ARHGEF10L: variants seen among roughly 807,000 people sequenced by gnomAD.
ARHGEF10L encodes rho guanine nucleotide exchange factor 10-like protein.
A neutral mutation model predicts 141.2 loss-of-function variants in ARHGEF10L; 69 were observed. The observed-to-expected ratio is 0.49, with a 90% CI of 0.40 to 0.60. The LOEUF (loss-of-function observed/expected upper bound fraction) is 0.60, where lower values mean the gene tolerates loss of function less well. Ranked by LOEUF, ARHGEF10L falls within the 20% of genes least tolerant of loss-of-function variation. The pLI, the probability that ARHGEF10L is intolerant of heterozygous loss-of-function variation, is 0.00. For synonymous variants in ARHGEF10L, 711 were observed against 718.5 expected (o/e 0.99, Z 0.17); for missense variants, 1,482 against 1,734.3 (o/e 0.85, Z 2.58).
At position 17,626,040 on chromosome 1, in the gene ARHGEF10L, C is replaced by T. The variant is rs750655895; in HGVS notation, c.1402C>T (p.Leu468=). 6.2e-7 allele frequency: 1 copy of T among 1,613,906 alleles called. No individual in the cohort carries two copies. The highest frequency in any genetic ancestry group is 8.5e-7 in the Non-Finnish European group (1 of 1,179,826). Reference sequence around the variant, plus strand: ...CCAGAGGTTCCCACAGTTCATACTCCTGCTTCAGGTACTGCTCAGGATTCC... The same window carrying T: ...CCAGAGGTTCCCACAGTTCATACTCTTGCTTCAGGTACTGCTCAGGATTCC... ...PIQRFPQFIL[L]LQDMLKNTPR... The change falls in exon 14 of 29, where the codon CTG becomes TTG. Residue 468 remains leucine (L), a synonymous_variant. Coordinates refer to ENST00000361221, the MANE Select transcript of ARHGEF10L (RefSeq NM_018125.4).
intron 1 of ARHGEF10L, among the ~76,000 whole-genome samples, chr1:17,572,545 G>T (rs532355542): frequency 6.6e-6 from 1 of 152,288 alleles, no homozygotes; most frequent in East Asian, 1.9e-4. Context: ...AGTCTAAGAA[G>T]CCTAAGCCAG....
Position 17,613,095 on chromosome 1 carries a change from C to A in ARHGEF10L, c.647C>A (p.Ala216Asp). 1 of 1,614,052 alleles carries A rather than the reference C, an allele frequency of 6.2e-7. No individual in the cohort carries two copies. The highest frequency in any genetic ancestry group is 2.2e-5 in the East Asian group (1 of 44,878). The change falls in exon 8 of 29, where the codon GCC (alanine) becomes GAC (aspartate). Residue 216 changes from alanine (A) to aspartate (D), a missense_variant. Coordinates refer to ENST00000361221, the MANE Select transcript of ARHGEF10L (RefSeq NM_018125.4). ...CTGACTAGGCTAAAGGAGAGATACG[C>A]CAGGACTAAGAGAGACATCTTGGCT... Reference protein sequence around the residue: ...PDLTRLKERYARTKRDILALR... With the variant: ...PDLTRLKERYDRTKRDILALR...
At chr1:17,645,823 C>T (rs573425111) in intron 21 of ARHGEF10L, among the ~76,000 whole-genome samples, 123 of 152,280 alleles carry the variant, frequency 8.1e-4, no homozygotes, top group Admixed American at 1.1e-3. Flanking sequence ...GCGTGGAGTG[C>T]GGATAGAAGG....
intron 2 of ARHGEF10L, among the ~76,000 whole-genome samples, chr1:17,580,899 T>G (rs762469951): frequency 6.6e-6 from 1 of 151,876 alleles, no homozygotes; most frequent in Non-Finnish European, 1.5e-5. Context: ...CACACGGGGG[T>G]CTCAGGCTGA....
chr1:17,578,423 A>G (rs2078311689), intron 1 of ARHGEF10L, among the ~76,000 whole-genome samples: 1 of 152,212 alleles, frequency 6.6e-6, no homozygotes, highest in African/African-American at 2.4e-5. Flanking sequence ...CAGGGTTCAC[A>G]TCTGTGATCC....
At chr1:17,655,494 T>C (rs2062187391) in intron 23 of ARHGEF10L, among the ~76,000 whole-genome samples, 1 of 151,792 alleles carries the variant, frequency 6.6e-6, no homozygotes, top group Admixed American at 6.6e-5. Context: ...CATCCATCCA[T>C]CCAACAAGAA....
intron 27 of ARHGEF10L, chr1:17,694,414 CT>C (rs2065336620): frequency 6.2e-6 from 1 of 161,614 alleles, no homozygotes; most frequent in Non-Finnish European, 1.4e-5. Flanking sequence ...AGCCACCGTG[CT>C]GGGCAGCCCA....
At chr1:17,586,889 A>C (rs1014775464) in intron 2 of ARHGEF10L, among the ~76,000 whole-genome samples, 2 of 152,162 alleles carry the variant, frequency 1.3e-5, no homozygotes, top group Non-Finnish European at 2.9e-5. Flanking sequence ...AGGCCTAGCA[A>C]GCTGACCTCC....
At chr1:17,560,089 CT>C (rs1321032654) in intron 1 of ARHGEF10L, among the ~76,000 whole-genome samples, 19 of 152,172 alleles carry the variant, frequency 1.2e-4, no homozygotes, top group Admixed American at 1.2e-3. Flanking sequence ...GAGTGTCCCC[CT>C]CTTCCCCCAG....
At chr1:17,577,836 G>A (rs771732578) in intron 1 of ARHGEF10L, among the ~76,000 whole-genome samples, 25 of 152,214 alleles carry the variant, frequency 1.6e-4, no homozygotes, top group Non-Finnish European at 2.4e-4. Flanking sequence ...TTCCTCATCC[G>A]TAAGCTGGGG....
intron 1 of ARHGEF10L, among the ~76,000 whole-genome samples, chr1:17,551,769 G>A (rs1224827125): frequency 6.6e-6 from 1 of 152,114 alleles, no homozygotes; most frequent in African/African-American, 2.4e-5. Context: ...AGTCAGAGAG[G>A]TTAAGCAACT....
At chr1:17,653,069 C>T (rs2062024271) in intron 22 of ARHGEF10L, among the ~76,000 whole-genome samples, 1 of 152,152 alleles carries the variant, frequency 6.6e-6, no homozygotes, top group Non-Finnish European at 1.5e-5. Context: ...CCTTGGTAAG[C>T]CTTAGTAGCT....
In ARHGEF10L at chr1:17,558,122, C is replaced by T. The variant is rs1411446858; in HGVS notation, c.-44+18172C>T. ...CCCGTTTGTCCATTGTCCATCCATC[C>T]ATCCATTCACTCATCCATTCATCCA... is the stretch of plus-strand genomic sequence containing the variant. On this transcript the variant is annotated intron_variant, in intron 1 of 28. Coordinates refer to ENST00000361221, the MANE Select transcript of ARHGEF10L (RefSeq NM_018125.4). The surrounding 1 kb of genome is among the most constrained non-coding windows in gnomAD (Gnocchi z 4.2). Among the ~76,000 whole-genome samples, 1 of 152,048 alleles carries T rather than the reference C, an allele frequency of 6.6e-6. No individual in the cohort carries two copies. Among genetic ancestry groups the T allele is most frequent in the Non-Finnish European group, 1.5e-5 (1 of 68,030 alleles).
the ARHGEF10L span, among the ~76,000 whole-genome samples, chr1:17,524,779 C>T: frequency 6.6e-6 from 1 of 152,088 alleles, no homozygotes; most frequent in African/African-American, 2.4e-5. Flanking sequence ...AGAGGCAGCT[C>T]CCCGGGGAAT....
rs111736029 is a variant in ARHGEF10L, at chr1:17,679,577, A to G, written c.3010-7996A>G. 6.1e-3 allele frequency among the ~76,000 whole-genome samples: 933 copies of G among 152,334 alleles called. 9 individuals are homozygous for G. The highest frequency in any genetic ancestry group is 0.021 in the African/African-American group (876 of 41,578). ...TGTCCTAAGCAGCGCGACTTTGCAC[A>G]TCATTTAGCCTGTCAGTTTGTTTCC... On this transcript the variant is annotated intron_variant, in intron 26 of 28. Transcript: ENST00000361221.
At chr1:17,611,803 A>C (rs752028947) in intron 7 of ARHGEF10L, among the ~76,000 whole-genome samples, 4 of 152,244 alleles carry the variant, frequency 2.6e-5, no homozygotes, top group Non-Finnish European at 5.9e-5. Context: ...TGATTTGAGC[A>C]GGAGCCTACA....
chr1:17,658,929 C>G (rs1280139688), intron 25 of ARHGEF10L, among the ~76,000 whole-genome samples: 2 of 152,110 alleles, frequency 1.3e-5, no homozygotes, highest in African/African-American at 4.8e-5. Flanking sequence ...GTAGAGGGAA[C>G]AGTATACGCA....
At chr1:17,582,138 G>A (rs117645526) in intron 2 of ARHGEF10L, among the ~76,000 whole-genome samples, 7 of 152,056 alleles carry the variant, frequency 4.6e-5, no homozygotes, top group East Asian at 3.9e-4. Flanking sequence ...CCTGATTGCC[G>A]GGGGGAGGAT....
At chr1:17,533,721 G>A in the ARHGEF10L span, among the ~76,000 whole-genome samples, 1 of 152,138 alleles carries the variant, frequency 6.6e-6, no homozygotes, top group East Asian at 1.9e-4. Context: ...CTGTCCTATT[G>A]AACAGGGGCA....
Sources: allele counts gnomAD v4.1 joint callset (sites outside exome capture counted in the v4.1 genomes callset), GRCh38; gene constraint gnomAD v4.1.1; non-coding constraint Gnocchi (gnomAD v3.1); transcripts MANE v1.5; gene names NCBI Gene and HGNC (gene_info 2026-07-23, HGNC 2026-07-21).